SCN2A: variants seen among roughly 807,000 people sequenced by gnomAD.
The protein encoded by SCN2A is sodium channel protein type 2 subunit alpha.
A neutral mutation model predicts 188.7 loss-of-function variants in SCN2A; 20 were observed. That is an observed-to-expected ratio of 0.11 (90% CI 0.07 to 0.15). The LOEUF (loss-of-function observed/expected upper bound fraction) is 0.15. Ranked by LOEUF, SCN2A falls within the 10% of genes least tolerant of loss-of-function variation. The pLI is 1.00. For synonymous variants in SCN2A, 804 were observed against 833.1 expected (o/e 0.97, Z 0.60); for missense variants, 1,278 against 2,445.0 (o/e 0.52, Z 10.07).
At chr2:165,381,303 T>G in intron 25 of SCN2A, 106 bp downstream of exon 25, 1 of 793,468 alleles carries the variant, frequency 1.3e-6, no homozygotes, top group East Asian at 2.8e-5. Context: ...AACACAAAGT[T>G]TTTTACCTTA....
chr2:165,278,292 A>G (rs185009129), intron 1 of SCN2A, among the ~76,000 whole-genome samples: 53 of 152,290 alleles, frequency 3.5e-4, no homozygotes, highest in African/African-American at 1.2e-3. Flanking sequence ...AGACTGGAAA[A>G]TTTACAAAGG....
chr2:165,285,934 C>T (rs964245881), intron 1 of SCN2A: 5 of 227,642 alleles, frequency 2.2e-5, no homozygotes, highest in Admixed American at 1.2e-4. Context: ...GCCAGCAGAA[C>T]GAGGGGCAAA....
chr2:165,324,052 C>T (rs915124352), intron 12 of SCN2A, among the ~76,000 whole-genome samples: 42 of 152,244 alleles, frequency 2.8e-4, no homozygotes, highest in African/African-American at 9.9e-4. Flanking sequence ...TCAAAAAGTA[C>T]CTGGTTTGGA....
chr2:165,340,696 C>A, intron 14 of SCN2A, among the ~76,000 whole-genome samples: 1 of 152,070 alleles, frequency 6.6e-6, no homozygotes, highest in East Asian at 1.9e-4. Context: ...AGAGAGAGTT[C>A]TGAATAAATC....
At chr2:165,264,605 C>A (rs1430408395) in intron 1 of SCN2A, among the ~76,000 whole-genome samples, 1 of 152,056 alleles carries the variant, frequency 6.6e-6, no homozygotes, top group Non-Finnish European at 1.5e-5. Context: ...CTGACCCTCT[C>A]CTCCTCCCAC....
intron 11 of SCN2A, among the ~76,000 whole-genome samples, chr2:165,320,749 G>A (rs992614404): frequency 1.3e-5 from 2 of 152,162 alleles, no homozygotes; most frequent in African/African-American, 4.8e-5. Context: ...GAGATACAGG[G>A]CACCAAGTTC....
At chr2:165,278,072 A>G (rs1279177096) in intron 1 of SCN2A, among the ~76,000 whole-genome samples, 1 of 152,198 alleles carries the variant, frequency 6.6e-6, no homozygotes, top group African/African-American at 2.4e-5. Flanking sequence ...TGGAAAATGT[A>G]TTTGAGATTT....
chr2:165,320,624 C>T (rs1446497330), intron 11 of SCN2A, among the ~76,000 whole-genome samples: 1 of 152,236 alleles, frequency 6.6e-6, no homozygotes, highest in Non-Finnish European at 1.5e-5. Context: ...TTATTGACTT[C>T]TGTGCACTGA....
At chr2:165,280,572 C>T (rs1279244995) in intron 1 of SCN2A, among the ~76,000 whole-genome samples, 2 of 152,114 alleles carry the variant, frequency 1.3e-5, no homozygotes, top group East Asian at 1.9e-4. Flanking sequence ...CGTGCCCCCA[C>T]CCATATCCTT....
intron 22 of SCN2A, among the ~76,000 whole-genome samples, chr2:165,377,214 TAA>T (rs1701360788): frequency 6.6e-6 from 1 of 151,984 alleles, no homozygotes; most frequent in Admixed American, 6.6e-5. Flanking sequence ...AGCATTAAGA[TAA>T]ATAATGCAGC....
At chr2:165,329,167 C>T (rs149328221) in intron 13 of SCN2A, among the ~76,000 whole-genome samples, 166 of 152,128 alleles carry the variant, frequency 1.1e-3, no homozygotes, top group African/African-American at 3.9e-3. Context: ...TTTTTAACTA[C>T]AGCCAAGTCT....
intron 13 of SCN2A, 140 bp downstream of exon 13, chr2:165,327,124 C>T: frequency 9.3e-7 from 1 of 1,075,122 alleles, no homozygotes; most frequent in Non-Finnish European, 1.4e-6. Flanking sequence ...AAAATCCGTG[C>T]ATAACTCATG....
At chr2:165,248,960 T>G (rs1239041180) in intron 1 of SCN2A, among the ~76,000 whole-genome samples, 2 of 152,114 alleles carry the variant, frequency 1.3e-5, no homozygotes, top group African/African-American at 4.8e-5. Context: ...CATTCAGTAT[T>G]TACACCAATA....
At chr2:165,351,615 A>T (rs1311913187) in intron 16 of SCN2A, among the ~76,000 whole-genome samples, 2 of 152,074 alleles carry the variant, frequency 1.3e-5, no homozygotes, top group Non-Finnish European at 1.5e-5. Context: ...GTGGTCTTGG[A>T]CAAGTCATGT....
rs140024026 is a variant in SCN2A, at chr2:165,347,963, A to G, written c.2919+3052A>G. 2.0e-3 allele frequency among the ~76,000 whole-genome samples: 307 copies of G among 152,294 alleles called. 2 individuals are homozygous for G. Among genetic ancestry groups the G allele is most frequent in the East Asian group, 0.016 (83 of 5,180 alleles). Reference sequence around the variant, plus strand: ...CAGGACAGTAGACTCTGTGAGAAGTATCAGGCTCTTATGCTTTAAATATGA... The same window carrying G: ...CAGGACAGTAGACTCTGTGAGAAGTGTCAGGCTCTTATGCTTTAAATATGA... On this transcript the variant is annotated intron_variant, in intron 16 of 26. Transcript: ENST00000375437.
intron 23 of SCN2A, 93 bp downstream of exon 23, chr2:165,377,743 T>C (rs1287332364): frequency 9.7e-7 from 1 of 1,032,174 alleles, no homozygotes; most frequent in African/African-American, 1.6e-5. Flanking sequence ...AATAAAATTA[T>C]GTGCTTAATT....
intron 11 of SCN2A, among the ~76,000 whole-genome samples, chr2:165,318,357 C>A (rs1275364709): frequency 1.3e-5 from 2 of 151,908 alleles, no homozygotes; most frequent in African/African-American, 4.8e-5. Flanking sequence ...TTTTTTGAAA[C>A]CTTTATAAGG....
chr2:165,303,327 G>A (rs889530354), intron 3 of SCN2A, among the ~76,000 whole-genome samples: 3 of 138,862 alleles, frequency 2.2e-5, no homozygotes, highest in Admixed American at 8.2e-5. Flanking sequence ...CCTGGCTGGA[G>A]TGCAGCAGCG....
chr2:165,284,592 A>G (rs912141052), intron 1 of SCN2A, among the ~76,000 whole-genome samples: 14 of 152,166 alleles, frequency 9.2e-5, no homozygotes, highest in African/African-American at 3.4e-4. Flanking sequence ...TTTCTCCCCC[A>G]TAAAAGAGAA....
Sources: gnomAD v4.1 joint callset for allele counts (sites outside exome capture counted in the v4.1 genomes callset) on GRCh38, gnomAD v4.1.1 for gene constraint, MANE v1.5 for transcripts, NCBI Gene and HGNC (gene_info 2026-07-23, HGNC 2026-07-21) for gene names.